The following DLG2 variants were observed in gnomAD, a reference collection of about 807,000 sequenced individuals.
DLG2 encodes discs large MAGUK scaffold protein 2, also known as disks large homolog 2.
A neutral mutation model predicts 132.5 loss-of-function variants in DLG2; 45 were observed. The observed-to-expected ratio is 0.34, with a 90% CI of 0.27 to 0.44. The LOEUF (loss-of-function observed/expected upper bound fraction) is 0.44. Ranked by LOEUF, DLG2 falls within the 20% of genes least tolerant of loss-of-function variation. DLG2 has a pLI of 1.00. For synonymous variants in DLG2, 424 were observed against 419.6 expected, an observed-to-expected ratio of 1.01 and a Z score of -0.13; for missense variants, 1,045 against 1,196.9, an observed-to-expected ratio of 0.87 and a Z score of 1.87.
At chr11:85,150,558 T>C (rs372432263) in intron 5 of DLG2, among the ~76,000 whole-genome samples, 4 of 152,178 alleles carry the variant, frequency 2.6e-5, no homozygotes, top group East Asian at 1.9e-4. Context: ...TTTATCAGTC[T>C]GCCTACTTTA....
At chr11:84,378,060 G>A (rs1057126921) in intron 7 of DLG2, among the ~76,000 whole-genome samples, 2 of 152,160 alleles carry the variant, frequency 1.3e-5, no homozygotes, top group Non-Finnish European at 1.5e-5. Context: ...GCTATAGACT[G>A]AATGTTTATG....
chr11:84,294,801 G>A (rs1567970), intron 7 of DLG2, among the ~76,000 whole-genome samples: 13,192 of 152,016 alleles, frequency 0.087, 792 homozygotes, highest in Middle Eastern at 0.19. Context: ...GGGTAAGGGT[G>A]GAGTATGCCT....
chr11:83,555,118 G>A (rs889757286), intron 19 of DLG2, among the ~76,000 whole-genome samples: 4 of 152,240 alleles, frequency 2.6e-5, no homozygotes, highest in African/African-American at 9.6e-5. Flanking sequence ...TCTAATCTGA[G>A]CACAGCAGGA....
chr11:83,947,732 G>T lies in DLG2; in HGVS notation c.1340+15153C>A, dbSNP rs80310910. On this transcript the variant is annotated intron_variant, in intron 14 of 27. Transcript: ENST00000376104. ...ATGGATGGGGAAACTGAGGCACAAA[G>T]AAGTTACATAACTCATCCAAAGTCA... Among the ~76,000 whole-genome samples, 307 of 152,334 alleles carry T rather than the reference G, an allele frequency of 2.0e-3. No individual in the cohort carries two copies. The East Asian group carries it at 0.024, about 12-fold the overall frequency.
chr11:84,999,210 T>G (rs1010194774), intron 6 of DLG2, among the ~76,000 whole-genome samples: 1 of 152,092 alleles, frequency 6.6e-6, no homozygotes, highest in Admixed American at 6.6e-5. Context: ...CACCTATGTG[T>G]GTGAAAGGGC....
At chr11:85,295,361 G>A (rs562263715) in intron 3 of DLG2, among the ~76,000 whole-genome samples, 5 of 152,246 alleles carry the variant, frequency 3.3e-5, no homozygotes, top group South Asian at 4.1e-4. Flanking sequence ...GCTCATTGAA[G>A]ACAGGAGAGA....
Position 84,711,025 on chromosome 11 carries a change from T to G in DLG2, c.358-176294A>C, listed in dbSNP as rs1023503906. ...ATATATATAGATATATATATATATATATATATAGAGCTGAAAAAAGCATTA... is the reference window on the plus strand; with the variant it reads ...ATATATATAGATATATATATATATAGATATATAGAGCTGAAAAAAGCATTA... On this transcript the variant is annotated intron_variant, in intron 6 of 27. Coordinates refer to ENST00000376104, the MANE Select transcript of DLG2 (RefSeq NM_001142699.3). 2.5e-3 allele frequency among the ~76,000 whole-genome samples: 248 copies of G among 100,506 alleles called. 3 individuals are homozygous for G. Among genetic ancestry groups the G allele is most frequent in the Admixed American group, 2.6e-3 (29 of 11,194 alleles). The allele number at this position is 100,506 out of a possible 152,430, so 65.9% of individuals were successfully genotyped here. A position where few individuals can be genotyped will look rare whatever the true frequency, so the allele number is the denominator to read the frequency against.
At chr11:83,555,898 C>T (rs2142357496) in intron 19 of DLG2, among the ~76,000 whole-genome samples, 1 of 152,314 alleles carries the variant, frequency 6.6e-6, no homozygotes, top group South Asian at 2.1e-4. Context: ...ATCTCACAGA[C>T]ATCTATTTGT....
At chr11:84,823,282 T>C (rs2077915524) in intron 6 of DLG2, among the ~76,000 whole-genome samples, 1 of 151,760 alleles carries the variant, frequency 6.6e-6, no homozygotes, top group African/African-American at 2.4e-5. Flanking sequence ...TATTATAGAA[T>C]TGAATATATT....
In DLG2 at chr11:85,583,088, ATGTGTGTGTGTG is replaced by A. The variant is rs3068389; in HGVS notation, c.40+15557_40+15568del. On this transcript the variant is annotated intron_variant, in intron 3 of 27. Coordinates refer to ENST00000376104, the MANE Select transcript of DLG2 (RefSeq NM_001142699.3). ...TATATATATATATATAATATATGTG[ATGTGTGTGTGTG>A]TGTGTGTGTGTGTGTGTGTGTGTGT... 6.0e-4 allele frequency among the ~76,000 whole-genome samples: 18 copies of A among 29,848 alleles called. 1 individual carries two copies. The highest frequency in any genetic ancestry group is 1.8e-3 in the African/African-American group (14 of 7,748). 19.6% of individuals were successfully genotyped at this position (29,848 alleles called of 152,430 possible). A position where few individuals can be genotyped will look rare whatever the true frequency, so the allele number is the denominator to read the frequency against.
chr11:84,976,269 T>A (rs2054891330), intron 6 of DLG2, among the ~76,000 whole-genome samples: 1 of 152,124 alleles, frequency 6.6e-6, no homozygotes, highest in Non-Finnish European at 1.5e-5. Flanking sequence ...ATAAACAGAT[T>A]GGGGATAGAT....
intron 6 of DLG2, among the ~76,000 whole-genome samples, chr11:85,055,616 C>A (rs1209812186): frequency 6.6e-6 from 1 of 152,084 alleles, no homozygotes; most frequent in East Asian, 1.9e-4. Context: ...CAAGATTTTG[C>A]AGTGACAAAA....
At chr11:84,486,244 A>G (rs1290789660) in intron 7 of DLG2, among the ~76,000 whole-genome samples, 2 of 152,140 alleles carry the variant, frequency 1.3e-5, no homozygotes, top group Non-Finnish European at 2.9e-5. Flanking sequence ...TAGGCCCTCT[A>G]AGAGACCTTT....
At chr11:84,614,113 A>G (rs1219122342) in intron 6 of DLG2, among the ~76,000 whole-genome samples, 1 of 152,220 alleles carries the variant, frequency 6.6e-6, no homozygotes, top group East Asian at 1.9e-4. Flanking sequence ...AATTTTTTCA[A>G]CAAATATCTT....
At chr11:85,103,309 T>C (rs113210599) in intron 6 of DLG2, among the ~76,000 whole-genome samples, 41 of 151,890 alleles carry the variant, frequency 2.7e-4, no homozygotes, top group African/African-American at 9.7e-4. Flanking sequence ...AAAACAATCT[T>C]GGAAAAGAAC....
chr11:85,533,476 T>TATATATAA lies in DLG2; in HGVS notation c.40+65180_40+65181insTTATATAT, dbSNP rs1233917527. Among the ~76,000 whole-genome samples the TATATATAA allele has an allele frequency of 2.3e-3, 338 of 148,560 alleles. 1 individual carries two copies. The highest frequency in any genetic ancestry group is 3.8e-3 in the Admixed American group (56 of 14,820). Reference sequence around the variant, plus strand: ...TAAAATACATATATATATATATATATAATTCTTTTTAATAGCTGAATAGCA... The same window carrying TATATATAA: ...TAAAATACATATATATATATATATATATATATAAAATTCTTTTTAATAGCTGAATAGCA... On this transcript the variant is annotated intron_variant, in intron 3 of 27. Transcript: ENST00000376104.
chr11:84,387,257 T>A (rs1463321535), intron 7 of DLG2, among the ~76,000 whole-genome samples: 1 of 152,046 alleles, frequency 6.6e-6, no homozygotes. Context: ...CTAAATAATA[T>A]AATACAGCAA....
rs192849703 is a variant in DLG2, at chr11:83,489,814, G to A, written c.2194-5586C>T. Among the ~76,000 whole-genome samples the A allele has an allele frequency of 3.1e-3, 475 of 152,040 alleles. 1 individual carries two copies. The highest frequency in any genetic ancestry group is 5.6e-3 in the Non-Finnish European group (378 of 67,898). ...ACAATTCTGAAACCATTTGGTGTGT[G>A]CTGTAGGGTTGAGTAAATGAGTAAA... On this transcript the variant is annotated intron_variant, in intron 21 of 27. Coordinates refer to ENST00000376104, the MANE Select transcript of DLG2 (RefSeq NM_001142699.3).
At chr11:84,323,179 C>G (rs1385468131) in intron 7 of DLG2, among the ~76,000 whole-genome samples, 1 of 151,942 alleles carries the variant, frequency 6.6e-6, no homozygotes, top group East Asian at 1.9e-4. Flanking sequence ...AAGTCTACAC[C>G]CATTGAACAA....
Sources: allele counts gnomAD v4.1 joint callset (sites outside exome capture counted in the v4.1 genomes callset), GRCh38; gene constraint gnomAD v4.1.1; transcripts MANE v1.5; gene names NCBI Gene and HGNC (gene_info 2026-07-23, HGNC 2026-07-21).